Variants in RSPH9 observed in about 807,000 individuals in gnomAD.
RSPH9 encodes the protein radial spoke head protein 9 homolog.
In RSPH9, 27 loss-of-function variants were observed where a neutral mutation model predicts 27.0. That is an observed-to-expected ratio of 1.00 (90% CI 0.74 to 1.38). The LOEUF (loss-of-function observed/expected upper bound fraction) is 1.38. Ranked by LOEUF, RSPH9 falls within the 40% of genes most tolerant of loss-of-function variation. The pLI, the probability that RSPH9 is intolerant of heterozygous loss-of-function variation, is 0.00. For synonymous variants in RSPH9, 145 were observed against 147.7 expected, an observed-to-expected ratio of 0.98 and a Z score of 0.13; for missense variants, 347 against 357.4, an observed-to-expected ratio of 0.97 and a Z score of 0.24.
Position 43,645,105 on chromosome 6 carries a change from G to A in RSPH9, c.7G>A (p.Ala3Thr). 1 of 1,611,216 alleles carries A rather than the reference G, an allele frequency of 6.2e-7. No homozygotes were observed. Among genetic ancestry groups the A allele is most frequent in the Non-Finnish European group, 8.5e-7 (1 of 1,179,770 alleles). Residue 3 changes from alanine (A) to threonine (T), a missense_variant, in exon 1 of 5, where the codon GCC becomes ACC. Ala to Thr is a moderately conservative substitution (Grantham distance 58). Coordinates refer to ENST00000372163, the MANE Select transcript of RSPH9 (RefSeq NM_152732.5). ...GAGCGGAGCCGCTGACCTGATGGAC[G>A]CCGACAGCCTCCTGCTGTCTCTGGA... MD[A>T]DSLLLSLELA...
chr6:43,654,251 G>T (rs1771783858), intron 2 of RSPH9, among the ~76,000 whole-genome samples: 4 of 152,138 alleles, frequency 2.6e-5, no homozygotes, highest in Admixed American at 2.6e-4. Flanking sequence ...AAATCCTTTT[G>T]TTCAGAGTTG....
At chr6:43,660,598 G>T (rs763846824) in intron 4 of RSPH9, among the ~76,000 whole-genome samples, 1 of 151,946 alleles carries the variant, frequency 6.6e-6, no homozygotes, top group Non-Finnish European at 1.5e-5. Context: ...CGAGTAGCTG[G>T]GACTACAGGC....
At chr6:43,648,200 T>A (rs1311720114) in intron 1 of RSPH9, among the ~76,000 whole-genome samples, 2 of 150,312 alleles carry the variant, frequency 1.3e-5, no homozygotes, top group Non-Finnish European at 3.0e-5. Flanking sequence ...ACCCAGGAGG[T>A]GGAGTTTGCG....
intron 4 of RSPH9, 65 bp downstream of exon 4, chr6:43,656,788 C>A: frequency 1.3e-6 from 2 of 1,567,154 alleles, no homozygotes; most frequent in Non-Finnish European, 1.8e-6. Flanking sequence ...GCCATGCCAC[C>A]TGCCATTTTC....
At chr6:43,656,513 G>A in intron 3 of RSPH9, 64 bp from the exon 4 acceptor site, 1 of 1,594,978 alleles carries the variant, frequency 6.3e-7, no homozygotes, top group Admixed American at 1.7e-5. Flanking sequence ...TCCCAGTGCA[G>A]ACAGAAAGGG....
chr6:43,661,592 C>T (rs1474950773), intron 4 of RSPH9, among the ~76,000 whole-genome samples: 1 of 138,004 alleles, frequency 7.2e-6, no homozygotes, highest in Non-Finnish European at 1.5e-5. Flanking sequence ...ACCCGGGAGG[C>T]AGAGGTTGCA....
At chr6:43,669,485 G>A (rs1773495569) in intron 4 of RSPH9, among the ~76,000 whole-genome samples, 1 of 152,224 alleles carries the variant, frequency 6.6e-6, no homozygotes, top group Non-Finnish European at 1.5e-5. Flanking sequence ...GCAGGGTGTG[G>A]AGTGACTAGG....
At chr6:43,654,222 C>A (rs1194542650) in intron 2 of RSPH9, among the ~76,000 whole-genome samples, 1 of 152,150 alleles carries the variant, frequency 6.6e-6, no homozygotes, top group East Asian at 1.9e-4. Context: ...CTGTCGAGCT[C>A]TTCCACAAAA....
rs1305418368 is a variant in RSPH9, at chr6:43,656,587, G to T, written c.534G>T (p.Leu178Phe). ...GCCACCTCTTTCTAGGACTGTCCTT[G>T]TCTGAGGCCAAGAAGCTCAGCTCCT... ...HVNRTFEGLS[L>F]SEAKKLSSYF... Residue 178 changes from leucine to phenylalanine, a missense_variant, in exon 4 of 5, where the codon TTG becomes TTT. Coordinates refer to ENST00000372163, the MANE Select transcript of RSPH9 (RefSeq NM_152732.5). 1 of 1,614,206 alleles carries T rather than the reference G, an allele frequency of 6.2e-7. No homozygotes were observed. Among genetic ancestry groups the T allele is most frequent in the African/African-American group, 1.3e-5 (1 of 75,054 alleles).
Position 43,650,466 on chromosome 6 carries a change from C to G in RSPH9, c.319C>G (p.Pro107Ala), listed in dbSNP as rs1032347070. The change falls in exon 2 of 5, where the codon CCA (proline) becomes GCA (alanine). Residue 107 changes from proline (P) to alanine (A), a missense_variant. Pro to Ala is a conservative substitution (Grantham distance 27, BLOSUM62 -1). Transcript: ENST00000372163. ...GGTGAAGGGCCGCTTCATGGGGGAC[C>G]CATCATACGAATATGAACACACTGA... Reference protein sequence around the residue: ...SVVKGRFMGDPSYEYEHTELQ... With the variant: ...SVVKGRFMGDASYEYEHTELQ... 5.0e-6 allele frequency: 8 copies of G among 1,613,974 alleles called. No individual in the cohort carries two copies. Among genetic ancestry groups the G allele is most frequent in the Non-Finnish European group, 6.8e-6 (8 of 1,180,032 alleles).
At chr6:43,666,945 T>G (rs554124525) in intron 4 of RSPH9, among the ~76,000 whole-genome samples, 23 of 152,184 alleles carry the variant, frequency 1.5e-4, no homozygotes, top group Non-Finnish European at 2.4e-4. Flanking sequence ...GGTTTCACCA[T>G]GTTGCCCAGG....
intron 1 of RSPH9, among the ~76,000 whole-genome samples, chr6:43,647,008 A>G (rs1170416955): frequency 1.3e-5 from 2 of 151,374 alleles, no homozygotes; most frequent in African/African-American, 4.9e-5. Flanking sequence ...GGTGGTGCAT[A>G]CCTGTAGTCC....
In RSPH9 at chr6:43,672,217, C is replaced by T. The variant is rs111443547; in HGVS notation, c.*1268C>T. Reference sequence around the variant, plus strand: ...GAGGAAAAGGTGGCGAAGAGGCTGCCTGAAGAGCAGATCATTCCTCTCTGG... The same window carrying T: ...GAGGAAAAGGTGGCGAAGAGGCTGCTTGAAGAGCAGATCATTCCTCTCTGG... On this transcript the variant is annotated 3_prime_UTR_variant, in exon 5 of 5. Coordinates refer to ENST00000372163, the MANE Select transcript of RSPH9 (RefSeq NM_152732.5). 1.5e-5 allele frequency: 7 copies of T among 462,926 alleles called. No individual in the cohort carries two copies. The highest frequency in any genetic ancestry group is 1.0e-4 in the African/African-American group (5 of 50,216). The allele number at this position is 462,926 out of a possible 1,614,324, so 28.7% of individuals were successfully genotyped here. A position where few individuals can be genotyped will look rare whatever the true frequency, so the allele number is the denominator to read the frequency against.
chr6:43,656,810 G>A (rs901970634), intron 4 of RSPH9, 87 bp downstream of exon 4: 13 of 1,460,606 alleles, frequency 8.9e-6, no homozygotes, highest in Non-Finnish European at 1.2e-5. Context: ...TCTGAGACTG[G>A]AACCAAGGGC....
At chr6:43,665,827 T>TTTC (rs1773079582) in intron 4 of RSPH9, among the ~76,000 whole-genome samples, 7 of 152,118 alleles carry the variant, frequency 4.6e-5, no homozygotes, top group African/African-American at 1.7e-4. Context: ...TTCTTTCTTT[T>TTTC]TTTTTTAATT....
rs6915370 is a variant in RSPH9, at chr6:43,650,258, A to G, written c.228-117A>G. 0.037 allele frequency: 43,442 copies of G among 1,186,756 alleles called. 1,263 individuals carry two copies. The highest frequency in any genetic ancestry group is 0.1 in the African/African-American group (6,943 of 66,342). The allele number at this position is 1,186,756 out of a possible 1,614,324, so 73.5% of individuals were successfully genotyped here. A position where few individuals can be genotyped will look rare whatever the true frequency, so the allele number is the denominator to read the frequency against. On this transcript the variant is annotated intron_variant, in intron 1 of 4. Transcript: ENST00000372163. ...AGTCTCACGACAGCATTGGGAGGAA[A>G]GGTGGCCATTTCAACAGCTTTTCCT...
intron 4 of RSPH9, among the ~76,000 whole-genome samples, chr6:43,661,668 A>AG (rs1483017155): frequency 6.6e-6 from 1 of 151,408 alleles, no homozygotes; most frequent in Non-Finnish European, 1.5e-5. Flanking sequence ...CTCAAAAAAA[A>AG]AAAAAAAAAA....
intron 4 of RSPH9, among the ~76,000 whole-genome samples, chr6:43,662,163 G>A (rs1168868966): frequency 1.3e-5 from 2 of 152,108 alleles, no homozygotes; most frequent in African/African-American, 4.8e-5. Flanking sequence ...ACAGGCATGA[G>A]CAACCATGCC....
In RSPH9 at chr6:43,650,421, ATGG is replaced by A; in HGVS notation, c.278_280del (p.Val93del). The A allele has an allele frequency of 1.2e-6, 2 of 1,613,900 alleles. No individual in the cohort carries two copies. Among genetic ancestry groups the A allele is most frequent in the Non-Finnish European group, 1.7e-6 (2 of 1,180,006 alleles). ...CCTCTTGCCCCCTGCCACAGAGGAG[ATGG>A]TGGCGCAGTCGTCTGTGGTGAAGGG... On this transcript the variant is annotated inframe_deletion, in exon 2 of 5. Coordinates refer to ENST00000372163, the MANE Select transcript of RSPH9 (RefSeq NM_152732.5).
Sources: allele counts gnomAD v4.1 joint callset (sites outside exome capture counted in the v4.1 genomes callset), GRCh38; gene constraint gnomAD v4.1.1; transcripts MANE v1.5; gene names NCBI Gene and HGNC (gene_info 2026-07-23, HGNC 2026-07-21).